RORA: variants seen among roughly 807,000 people sequenced by gnomAD.
RORA encodes nuclear receptor ROR-alpha.
RORA carries 7 observed loss-of-function variants against 69.5 expected under a neutral mutation model. The observed-to-expected ratio is 0.10, with a 90% CI of 0.06 to 0.19. The LOEUF is 0.19. Ranked by LOEUF, RORA falls within the 10% of genes least tolerant of loss-of-function variation. RORA has a pLI of 1.00. For missense variants in RORA, 457 were observed against 663.0 expected, an observed-to-expected ratio of 0.69 and a Z score of 3.41; for synonymous variants, 261 against 240.8, an observed-to-expected ratio of 1.08 and a Z score of -0.78.
chr15:60,860,430 A>G (rs888855426), intron 1 of RORA, among the ~76,000 whole-genome samples: 1 of 152,370 alleles, frequency 6.6e-6, no homozygotes, highest in Admixed American at 6.5e-5. Context: ...AAGGGCTCTC[A>G]GTCAAACCTT....
At chr15:60,584,023 C>G (rs2068262696) in intron 2 of RORA, among the ~76,000 whole-genome samples, 1 of 152,126 alleles carries the variant, frequency 6.6e-6, no homozygotes, top group South Asian at 2.1e-4. Context: ...TTAAATGCTT[C>G]CCAGATGACT....
At chr15:60,886,742 T>C (rs999309785) in intron 1 of RORA, among the ~76,000 whole-genome samples, 5 of 152,214 alleles carry the variant, frequency 3.3e-5, no homozygotes, top group Non-Finnish European at 7.3e-5. Flanking sequence ...ACTTAAGACA[T>C]TACTAAAAGG....
intron 1 of RORA, among the ~76,000 whole-genome samples, chr15:60,887,283 C>T (rs186739076): frequency 3.3e-5 from 5 of 152,206 alleles, no homozygotes; most frequent in Admixed American, 1.3e-4. Context: ...TGAAGGGATC[C>T]AGTTATTTGG....
chr15:61,140,640 A>C (rs2079289138), intron 1 of RORA, among the ~76,000 whole-genome samples: 1 of 151,960 alleles, frequency 6.6e-6, no homozygotes, highest in East Asian at 1.9e-4. Flanking sequence ...GGACCCCAAA[A>C]CTTTAGCAAG....
rs1393558913 is a variant in RORA, at chr15:61,115,146, G to A, written c.166+113907C>T. Among the ~76,000 whole-genome samples, 16 of 152,106 alleles carry A rather than the reference G, an allele frequency of 1.1e-4. 1 individual carries two copies. The highest frequency in any genetic ancestry group is 3.4e-4 in the African/African-American group (14 of 41,394). On this transcript the variant is annotated intron_variant, in intron 1 of 10. Coordinates refer to ENST00000335670, the MANE Select transcript of RORA (RefSeq NM_134261.3). ...CCAGCACCCACGGGTTTAGAGTCTT[G>A]GGTCTGGTCCAGTGAAGACACTGCT...
chr15:60,542,899 G>A (rs987865167), intron 2 of RORA, among the ~76,000 whole-genome samples: 4 of 145,866 alleles, frequency 2.7e-5, no homozygotes, highest in East Asian at 2.1e-4. Context: ...TACACCACAC[G>A]CACCACAGAT....
chr15:61,179,271 T>A (rs1456104785), intron 1 of RORA, among the ~76,000 whole-genome samples: 1 of 152,162 alleles, frequency 6.6e-6, no homozygotes, highest in East Asian at 1.9e-4. Context: ...CATAATACTT[T>A]GACAAATAGT....
chr15:60,804,980 G>A lies in RORA; in HGVS notation c.167-126294C>T, dbSNP rs116988979. Among the ~76,000 whole-genome samples the A allele has an allele frequency of 8.6e-3, 1,306 of 152,202 alleles. 9 individuals are homozygous for A. The highest frequency in any genetic ancestry group is 0.014 in the Non-Finnish European group (928 of 67,984). On this transcript the variant is annotated intron_variant, in intron 1 of 10. Coordinates refer to ENST00000335670, the MANE Select transcript of RORA (RefSeq NM_134261.3). Reference sequence around the variant, plus strand: ...TAGCTTTAAACACAATTTCCTCATCGCCCAAGTAAATCAAGGGAAAATGGC... The same window carrying A: ...TAGCTTTAAACACAATTTCCTCATCACCCAAGTAAATCAAGGGAAAATGGC...
At chr15:60,712,449 G>A (rs970049571) in intron 1 of RORA, among the ~76,000 whole-genome samples, 5 of 152,136 alleles carry the variant, frequency 3.3e-5, no homozygotes, top group African/African-American at 1.2e-4. Context: ...ACTCTCTATT[G>A]TCTAGTGGAA....
chr15:60,894,357 C>A (rs1384499630), intron 1 of RORA, among the ~76,000 whole-genome samples: 1 of 152,214 alleles, frequency 6.6e-6, no homozygotes, highest in African/African-American at 2.4e-5. Flanking sequence ...ATCTCTCCCG[C>A]CACACCCTAA....
chr15:60,538,139 C>A (rs1294343268), intron 2 of RORA, among the ~76,000 whole-genome samples: 1 of 152,116 alleles, frequency 6.6e-6, no homozygotes, highest in Admixed American at 6.5e-5. Flanking sequence ...CTTGGTGTCT[C>A]TTTCCTATTC....
At chr15:60,529,852 C>G (rs1270263426) in intron 3 of RORA, 1 of 152,172 alleles carries the variant, frequency 6.6e-6, no homozygotes, top group Non-Finnish European at 1.5e-5. Context: ...TCCCCAGACT[C>G]CATTCCTAGA....
At chr15:61,039,652 G>A (rs1035611906) in intron 1 of RORA, among the ~76,000 whole-genome samples, 7 of 151,386 alleles carry the variant, frequency 4.6e-5, no homozygotes, top group African/African-American at 1.7e-4. Context: ...AGCTGAGGCA[G>A]GCGAATCACT....
At chr15:60,670,149 T>C (rs1166771475) in intron 2 of RORA, among the ~76,000 whole-genome samples, 2 of 151,896 alleles carry the variant, frequency 1.3e-5, no homozygotes, top group Admixed American at 6.6e-5. Context: ...AAAAGATTTA[T>C]AGATTAAGGC....
Position 60,540,564 on chromosome 15 carries a change from A to AT in RORA, c.197-8714_197-8713insA, listed in dbSNP as rs760302878. ...TAATTCCACCTGCACAATTTCCATG[A>AT]CCCCCCCCCCCCAAAACTGTGCGGT... is the stretch of plus-strand genomic sequence containing the variant. On this transcript the variant is annotated intron_variant, in intron 2 of 10. Transcript: ENST00000335670. Among the ~76,000 whole-genome samples, 14 of 46,098 alleles carry AT rather than the reference A, an allele frequency of 3.0e-4. No homozygotes were observed. The East Asian group carries it at 0.019, about 62-fold the overall frequency. 30.2% of individuals were successfully genotyped at this position (46,098 alleles called of 152,430 possible). A position where few individuals can be genotyped will look rare whatever the true frequency, so the allele number is the denominator to read the frequency against.
At chr15:60,678,802 C>G in intron 1 of RORA, 116 bp from the exon 2 acceptor site, 1 of 838,656 alleles carries the variant, frequency 1.2e-6, no homozygotes, top group Non-Finnish European at 2.0e-6. Context: ...GAAGTGGAAG[C>G]AAGACCAGTT....
At chr15:60,853,074 C>G (rs2073343083) in intron 1 of RORA, among the ~76,000 whole-genome samples, 1 of 152,154 alleles carries the variant, frequency 6.6e-6, no homozygotes, top group Admixed American at 6.5e-5. Context: ...GAGAGCCAGC[C>G]AGACACAATC....
intron 1 of RORA, among the ~76,000 whole-genome samples, chr15:60,908,560 A>G (rs1041183550): frequency 7.2e-5 from 11 of 151,812 alleles, no homozygotes; most frequent in African/African-American, 2.7e-4. Context: ...AGTAAATGGA[A>G]AAACCAGAAG....
At chr15:60,685,615 T>A (rs1221100781) in intron 1 of RORA, among the ~76,000 whole-genome samples, 1 of 152,204 alleles carries the variant, frequency 6.6e-6, no homozygotes, top group African/African-American at 2.4e-5. Flanking sequence ...AATGTCCTTG[T>A]CTAGGACAAA....
Sources: allele counts gnomAD v4.1 joint callset (sites outside exome capture counted in the v4.1 genomes callset), GRCh38; gene constraint gnomAD v4.1.1; transcripts MANE v1.5; gene names NCBI Gene and HGNC (gene_info 2026-07-23, HGNC 2026-07-21).